Variants in NRXN1 observed in about 807,000 individuals in gnomAD.
NRXN1 encodes neurexin-1.
Under a neutral mutation model 150.9 loss-of-function variants are expected in NRXN1, and 39 were observed. That is an observed-to-expected ratio of 0.26 (90% confidence interval 0.20 to 0.34). The LOEUF (loss-of-function observed/expected upper bound fraction) is 0.34, where lower values mean the gene tolerates loss of function less well. Ranked by LOEUF, NRXN1 falls within the 10% of genes least tolerant of loss-of-function variation. NRXN1 has a pLI of 1.00. For missense variants in NRXN1, 1,815 were observed against 1,949.9 expected, an observed-to-expected ratio of 0.93 and a Z score of 1.30; for synonymous variants, 924 against 757.0, an observed-to-expected ratio of 1.22 and a Z score of -3.62.
chr2:50,811,860 G>T (rs751879535), intron 5 of NRXN1, among the ~76,000 whole-genome samples: 2 of 152,046 alleles, frequency 1.3e-5, no homozygotes, highest in African/African-American at 4.8e-5. Context: ...ATTCCAAAAA[G>T]AATCTGTATT....
At chr2:50,078,892 G>C (rs964200217) in intron 19 of NRXN1, among the ~76,000 whole-genome samples, 2 of 152,004 alleles carry the variant, frequency 1.3e-5, no homozygotes, top group African/African-American at 4.8e-5. Flanking sequence ...AATATTTTTA[G>C]ACTACATAAA....
chr2:50,606,370 C>T (rs1677118811), intron 8 of NRXN1, among the ~76,000 whole-genome samples: 1 of 151,468 alleles, frequency 6.6e-6, no homozygotes, highest in African/African-American at 2.4e-5. Flanking sequence ...CATGATTCCA[C>T]TTACAAGAAA....
At chr2:50,429,410 T>A (rs1434426207) in intron 17 of NRXN1, among the ~76,000 whole-genome samples, 3 of 152,060 alleles carry the variant, frequency 2.0e-5, no homozygotes, top group Non-Finnish European at 4.4e-5. Context: ...GCACATGCCA[T>A]CACGCCTGGC....
intron 9 of NRXN1, among the ~76,000 whole-genome samples, chr2:50,552,169 AG>A (rs1488355896): frequency 1.3e-5 from 2 of 152,200 alleles, no homozygotes; most frequent in Non-Finnish European, 2.9e-5. Context: ...TGCCAAACTA[AG>A]GATTTTATGT....
chr2:50,759,208 A>G (rs1701510013), intron 5 of NRXN1, among the ~76,000 whole-genome samples: 1 of 151,990 alleles, frequency 6.6e-6, no homozygotes, highest in Non-Finnish European at 1.5e-5. Flanking sequence ...ATTTCAAGGT[A>G]AGAACTAATA....
At chr2:50,286,209 A>G (rs1468449804) in intron 17 of NRXN1, among the ~76,000 whole-genome samples, 1 of 152,138 alleles carries the variant, frequency 6.6e-6, no homozygotes, top group African/African-American at 2.4e-5. Context: ...GTCACCATGT[A>G]CAATAGATCT....
At chr2:50,099,280 T>G (rs986588132) in intron 18 of NRXN1, among the ~76,000 whole-genome samples, 3 of 152,166 alleles carry the variant, frequency 2.0e-5, no homozygotes, top group Non-Finnish European at 4.4e-5. Context: ...AAGCCTGGTG[T>G]ATTCCTCATT....
At chr2:50,788,263 T>A (rs995099806) in intron 5 of NRXN1, among the ~76,000 whole-genome samples, 4 of 151,952 alleles carry the variant, frequency 2.6e-5, no homozygotes, top group African/African-American at 9.7e-5. Flanking sequence ...ATTTTTTTTG[T>A]ATTTTTAGTA....
intron 18 of NRXN1, among the ~76,000 whole-genome samples, chr2:50,219,791 G>C (rs1338463807): frequency 1.3e-5 from 2 of 149,154 alleles, no homozygotes; most frequent in Non-Finnish European, 3.0e-5. Context: ...GAGAGGCTAA[G>C]GCGAGAAGAT....
At chr2:50,874,125 A>G (rs1678210346) in intron 5 of NRXN1, among the ~76,000 whole-genome samples, 1 of 151,910 alleles carries the variant, frequency 6.6e-6, no homozygotes, top group Admixed American at 6.6e-5. Context: ...AGTCATCAAC[A>G]AAGTCTGTTT....
At chr2:49,996,566 G>GTGTAA (rs2152527344) in intron 21 of NRXN1, among the ~76,000 whole-genome samples, 1 of 152,314 alleles carries the variant, frequency 6.6e-6, no homozygotes, top group East Asian at 1.9e-4. Context: ...GGTGGGCCCA[G>GTGTAA]TGTAATGACA....
chr2:50,296,667 T>A (rs2073610797), intron 17 of NRXN1, among the ~76,000 whole-genome samples: 1 of 152,012 alleles, frequency 6.6e-6, no homozygotes, highest in South Asian at 2.1e-4. Context: ...AGAATCTCAC[T>A]ATGTTGCCCA....
chr2:50,167,233 T>C (rs1271840954), intron 18 of NRXN1, among the ~76,000 whole-genome samples: 3 of 152,152 alleles, frequency 2.0e-5, no homozygotes, highest in Non-Finnish European at 4.4e-5. Context: ...TTATGCATTA[T>C]AATATGTCAT....
chr2:50,441,947 C>T (rs531505507), intron 17 of NRXN1, among the ~76,000 whole-genome samples: 3 of 152,268 alleles, frequency 2.0e-5, no homozygotes, highest in African/African-American at 2.4e-5. Flanking sequence ...CAGCTCTTTC[C>T]AAGCACTGTT....
Position 50,414,909 on chromosome 2 carries a change from A to G in NRXN1, c.3364+50533T>C, listed in dbSNP as rs76554298. Reference sequence around the variant, plus strand: ...AGAAAATTTCATTTGAAACCTATTAATTTCAGAAACAAACCATACATATAT... The same window carrying G: ...AGAAAATTTCATTTGAAACCTATTAGTTTCAGAAACAAACCATACATATAT... On this transcript the variant is annotated intron_variant, in intron 17 of 22. Coordinates refer to ENST00000401669, the MANE Select transcript of NRXN1 (RefSeq NM_001330078.2). Among the ~76,000 whole-genome samples, 903 of 152,262 alleles carry G rather than the reference A, an allele frequency of 5.9e-3. 11 individuals carry two copies. The highest frequency in any genetic ancestry group is 0.021 in the African/African-American group (861 of 41,556).
At chr2:50,828,638 G>A (rs1447758588) in intron 5 of NRXN1, among the ~76,000 whole-genome samples, 3 of 151,804 alleles carry the variant, frequency 2.0e-5, no homozygotes, top group East Asian at 2.0e-4. Context: ...ATGGGTGGCC[G>A]GGCAGAGACA....
At position 50,261,291 on chromosome 2, in the gene NRXN1, T is replaced by C. The variant is rs540729004; in HGVS notation, c.3365-24321A>G. 9.9e-5 allele frequency among the ~76,000 whole-genome samples: 15 copies of C among 151,912 alleles called. No individual in the cohort carries two copies. In the East Asian group the frequency reaches 2.9e-3, roughly 29 times the overall value. On this transcript the variant is annotated intron_variant, in intron 17 of 22. Coordinates refer to ENST00000401669, the MANE Select transcript of NRXN1 (RefSeq NM_001330078.2). ...GTCATATGCACTAACTCTCAAAATA[T>C]TTAATTATTTTTCCCAGACTTTGCT...
At chr2:50,946,253 C>T (rs1341310255) in intron 2 of NRXN1, among the ~76,000 whole-genome samples, 3 of 152,070 alleles carry the variant, frequency 2.0e-5, no homozygotes, top group African/African-American at 2.4e-5. Context: ...CTTAATTACA[C>T]TATGAGCATT....
intron 5 of NRXN1, among the ~76,000 whole-genome samples, chr2:50,664,288 T>G (rs545610309): frequency 6.6e-6 from 1 of 152,008 alleles, no homozygotes; most frequent in East Asian, 1.9e-4. Flanking sequence ...AGCATGCTTC[T>G]CTCTTCAAAG....
Sources: allele counts gnomAD v4.1 joint callset (sites outside exome capture counted in the v4.1 genomes callset), GRCh38; gene constraint gnomAD v4.1.1; transcripts MANE v1.5; gene names NCBI Gene and HGNC (gene_info 2026-07-23, HGNC 2026-07-21).